CWC27: variants seen among roughly 807,000 people sequenced by gnomAD.
The protein encoded by CWC27 is CWC27 spliceosome associated cyclophilin.
Under a neutral mutation model 63.6 loss-of-function variants are expected in CWC27, and 47 were observed. The observed-to-expected ratio is 0.74, with a 90% CI of 0.58 to 0.94. The LOEUF is 0.94. Among genes scored for constraint, CWC27 ranks in the 40% least tolerant of loss-of-function variants. The probability of loss-of-function intolerance (pLI) is 0.00; values close to 1 mark genes in which losing one functional copy is unlikely to be tolerated. For missense variants in CWC27, 495 were observed against 554.3 expected, an observed-to-expected ratio of 0.89 and a Z score of 1.07; for synonymous variants, 175 against 179.8, an observed-to-expected ratio of 0.97 and a Z score of 0.22.
chr5:64,921,199 A>G (rs911153337), intron 11 of CWC27, among the ~76,000 whole-genome samples: 1 of 152,204 alleles, frequency 6.6e-6, no homozygotes, highest in Non-Finnish European at 1.5e-5. Flanking sequence ...TTTACCCAAA[A>G]GTCAGTCAAG....
intron 11 of CWC27, among the ~76,000 whole-genome samples, chr5:64,920,296 C>A (rs191760205): frequency 3.9e-5 from 6 of 152,248 alleles, no homozygotes; most frequent in East Asian, 1.9e-4. Context: ...GTATATTGAA[C>A]CAACCTTACA....
At chr5:64,912,223 T>A (rs1250428452) in intron 11 of CWC27, among the ~76,000 whole-genome samples, 6 of 152,054 alleles carry the variant, frequency 3.9e-5, no homozygotes, top group South Asian at 2.1e-4. Flanking sequence ...GTGAAAATCC[T>A]CCCTGGGAGA....
chr5:64,873,781 C>G (rs929535016), intron 10 of CWC27, among the ~76,000 whole-genome samples: 2 of 152,014 alleles, frequency 1.3e-5, no homozygotes, highest in Admixed American at 1.3e-4. Context: ...GGTGTTTTCT[C>G]TATGTTTTCT....
chr5:65,010,481 A>G (rs1001535946), intron 13 of CWC27, among the ~76,000 whole-genome samples: 5 of 152,232 alleles, frequency 3.3e-5, no homozygotes, highest in African/African-American at 1.2e-4. Flanking sequence ...CCATAGAATG[A>G]CAATCTTAGT....
At chr5:64,968,772 T>C (rs1749068902) in intron 11 of CWC27, among the ~76,000 whole-genome samples, 1 of 152,200 alleles carries the variant, frequency 6.6e-6, no homozygotes, top group African/African-American at 2.4e-5. Flanking sequence ...GGAAGTTATA[T>C]GCTCTATACA....
intron 7 of CWC27, among the ~76,000 whole-genome samples, chr5:64,795,788 C>T (rs966679696): frequency 6.6e-6 from 1 of 151,976 alleles, no homozygotes; most frequent in Admixed American, 6.6e-5. Flanking sequence ...TTCATAGGTT[C>T]TGAGGGATTA....
chr5:64,804,108 A>G lies in CWC27; in HGVS notation c.781-121A>G, dbSNP rs994934369. 5.1e-5 allele frequency: 46 copies of G among 905,868 alleles called. No homozygotes were observed. The East Asian group carries it at 1.1e-3, about 21-fold the overall frequency. The allele number at this position is 905,868 out of a possible 1,614,324, so 56.1% of individuals were successfully genotyped here. A position where few individuals can be genotyped will look rare whatever the true frequency, so the allele number is the denominator to read the frequency against. On this transcript the variant is annotated intron_variant, in intron 9 of 13. Coordinates refer to ENST00000381070, the MANE Select transcript of CWC27 (RefSeq NM_005869.4). ...GGCTTATAATTCAAAACAAAAGAAA[A>G]CAAAATAAAAAAAAAAACCTAGTTT... is the stretch of plus-strand genomic sequence containing the variant.
intron 12 of CWC27, among the ~76,000 whole-genome samples, chr5:64,976,340 T>C (rs1749227932): frequency 6.6e-6 from 1 of 152,092 alleles, no homozygotes; most frequent in Admixed American, 6.5e-5. Flanking sequence ...GACATTCCAA[T>C]TTACTCATTT....
intron 2 of CWC27, among the ~76,000 whole-genome samples, chr5:64,780,691 A>C (rs1447339278): frequency 2.3e-5 from 1 of 44,432 alleles, no homozygotes; most frequent in Non-Finnish European, 6.5e-5. Flanking sequence ...ACACACGCGC[A>C]CACGCGCGCA....
At chr5:64,885,569 T>C in intron 11 of CWC27, 23 bp downstream of exon 11, 1 of 1,528,408 alleles carries the variant, frequency 6.5e-7, no homozygotes, top group Non-Finnish European at 9.0e-7. Flanking sequence ...ATCACGCTTA[T>C]TTTTTCACTT....
chr5:64,792,363 T>C (rs1041256728), intron 7 of CWC27, among the ~76,000 whole-genome samples: 15 of 152,168 alleles, frequency 9.9e-5, no homozygotes, highest in Non-Finnish European at 2.1e-4. Flanking sequence ...TTAGCAGATA[T>C]GAATGATTTG....
At chr5:64,966,720 G>A (rs1437546061) in intron 11 of CWC27, among the ~76,000 whole-genome samples, 1 of 152,068 alleles carries the variant, frequency 6.6e-6, no homozygotes, top group Non-Finnish European at 1.5e-5. Context: ...GGAAATGCAT[G>A]TGCTTTAGGT....
intron 10 of CWC27, among the ~76,000 whole-genome samples, chr5:64,835,873 CTT>C (rs1053273045): frequency 1.3e-5 from 2 of 151,716 alleles, no homozygotes; most frequent in Non-Finnish European, 3.0e-5. Flanking sequence ...TTCTATATCT[CTT>C]GTTTCTTTGT....
At chr5:64,885,580 G>C (rs1240341816) in intron 11 of CWC27, 34 bp downstream of exon 11, 1 of 1,459,678 alleles carries the variant, frequency 6.9e-7, no homozygotes, top group Non-Finnish European at 9.5e-7. Flanking sequence ...TTTTTCACTT[G>C]ATACTCCTCC....
chr5:64,977,390 A>G (rs983051209), intron 13 of CWC27, 152 bp downstream of exon 13: 4 of 532,082 alleles, frequency 7.5e-6, no homozygotes, highest in East Asian at 3.2e-5. Context: ...TTTCAGTTCA[A>G]TATAAAGTAA....
intron 10 of CWC27, among the ~76,000 whole-genome samples, chr5:64,884,699 T>A (rs1238050220): frequency 6.6e-6 from 1 of 152,192 alleles, no homozygotes; most frequent in African/African-American, 2.4e-5. Context: ...CAAGTAACCC[T>A]AAGGGTTTAT....
intron 13 of CWC27, among the ~76,000 whole-genome samples, chr5:64,986,164 C>T (rs533392838): frequency 3.9e-5 from 6 of 152,218 alleles, no homozygotes; most frequent in African/African-American, 1.4e-4. Flanking sequence ...GCCTCCCCAG[C>T]CATGTGGAAC....
intron 11 of CWC27, among the ~76,000 whole-genome samples, chr5:64,967,281 T>C (rs1234852135): frequency 6.6e-6 from 1 of 152,032 alleles, no homozygotes. Flanking sequence ...GGATGTATTA[T>C]AGACCTCAAC....
chr5:64,866,629 C>G (rs901503744), intron 10 of CWC27, among the ~76,000 whole-genome samples: 1 of 151,958 alleles, frequency 6.6e-6, no homozygotes, highest in Non-Finnish European at 1.5e-5. Flanking sequence ...CTCAGAGTAC[C>G]TTGATTTCCC....
Sources: gnomAD v4.1 joint callset for allele counts (sites outside exome capture counted in the v4.1 genomes callset) on GRCh38, gnomAD v4.1.1 for gene constraint, MANE v1.5 for transcripts, NCBI Gene and HGNC (gene_info 2026-07-23, HGNC 2026-07-21) for gene names.